The following ZNF681 variants were observed in gnomAD, a reference collection of about 807,000 sequenced individuals.
The protein encoded by ZNF681 is hypothetical protein FLJ31526.
In ZNF681, 37 loss-of-function variants were observed where a neutral mutation model predicts 56.0. The ratio of observed to expected loss-of-function variants is 0.66; its 90% CI spans 0.51 to 0.87. The LOEUF is 0.87. ZNF681 is among the 40% of genes least tolerant of loss of function. The probability of loss-of-function intolerance (pLI) is 0.00; values close to 1 mark genes in which losing one functional copy is unlikely to be tolerated. For synonymous variants in ZNF681, 225 were observed against 248.6 expected (o/e 0.91, Z 0.89); for missense variants, 741 against 744.9 (o/e 0.99, Z 0.06).
rs910653109 is a variant in ZNF681 at position 23,739,449 on chromosome 19, T to C, written c.*4163A>G. The C allele has an allele frequency of 1.3e-5, 2 of 152,220 alleles. No individual in the cohort carries two copies. The highest frequency in any genetic ancestry group is 6.5e-5 in the Admixed American group (1 of 15,274). The allele number at this position is 152,220 out of a possible 1,614,324, so 9.4% of individuals were successfully genotyped here. On this transcript the variant is annotated 3_prime_UTR_variant, in exon 4 of 4. Coordinates refer to ENST00000402377, the MANE Select transcript of ZNF681 (RefSeq NM_138286.3). ...CCTATAGTTCATAACAATGTATTTG[T>C]ATTTCTGAAAAATGCTAAAACATTG...
In ZNF681 at chr19:23,749,546, ATCC is replaced by A. The variant is rs1427331991; in HGVS notation, c.227-4226_227-4224del. On this transcript the variant is annotated intron_variant, in intron 3 of 3. Coordinates refer to ENST00000402377, the MANE Select transcript of ZNF681 (RefSeq NM_138286.3). ...AGCCTCAAATTCCCAGACTCAAGTA[ATCC>A]TCCTCCCTCAATCTTTCAAAGAGCT... Among the ~76,000 whole-genome samples the A allele has an allele frequency of 9.9e-5, 15 of 151,956 alleles. No individual in the cohort carries two copies. The East Asian group carries it at 2.7e-3, about 28-fold the overall frequency.
At chr19:23,752,417 G>C (rs1040866204) in intron 3 of ZNF681, among the ~76,000 whole-genome samples, 3 of 152,150 alleles carry the variant, frequency 2.0e-5, no homozygotes, top group Non-Finnish European at 2.9e-5. Context: ...TTCACAGCCA[G>C]TTCTGCCTAT....
At chr19:23,757,122 G>A (rs896280548) in intron 1 of ZNF681, among the ~76,000 whole-genome samples, 1 of 151,976 alleles carries the variant, frequency 6.6e-6, no homozygotes, top group African/African-American at 2.4e-5. Flanking sequence ...TCCTCACCTC[G>A]TGATCCACTT....
intron 3 of ZNF681, among the ~76,000 whole-genome samples, chr19:23,754,423 A>G (rs1969083333): frequency 6.6e-6 from 1 of 152,150 alleles, no homozygotes; most frequent in African/African-American, 2.4e-5. Flanking sequence ...CAGCACTTTC[A>G]GAGGCCAAGG....
chr19:23,758,709 C>T, intron 1 of ZNF681, 38 bp downstream of exon 1: 2 of 1,614,218 alleles, frequency 1.2e-6, no homozygotes, highest in Non-Finnish European at 1.7e-6. Flanking sequence ...GCCACAGCCC[C>T]TTCCCCTCTC....
Position 23,754,843 on chromosome 19 carries a change from C to T in ZNF681, c.206G>A (p.Arg69Lys), listed in dbSNP as rs993600149. ...EKEPWTRKRH[R>K]MVAEPPVICS... ...CCTACCTGGGGGTTCGGCCACCATCCTATGTCTCTTTCTAGTCCAAGGCTC... is the reference window on the plus strand; with the variant it reads ...CCTACCTGGGGGTTCGGCCACCATCTTATGTCTCTTTCTAGTCCAAGGCTC... The change falls in exon 3 of 4, where the codon AGG (arginine) becomes AAG (lysine). Residue 69 changes from arginine (R) to lysine (K), a missense_variant. By Grantham distance (26) the Arg-to-Lys change is conservative. Coordinates refer to ENST00000402377, the MANE Select transcript of ZNF681 (RefSeq NM_138286.3). The T allele has an allele frequency of 6.2e-7, 1 of 1,614,090 alleles. No individual in the cohort carries two copies. The highest frequency in any genetic ancestry group is 8.5e-7 in the Non-Finnish European group (1 of 1,180,004).
intron 3 of ZNF681, among the ~76,000 whole-genome samples, chr19:23,752,193 A>G (rs2144849780): frequency 6.6e-6 from 1 of 152,298 alleles, no homozygotes; most frequent in South Asian, 2.1e-4. Context: ...ATAGACCAGG[A>G]AATGGACTAC....
intron 3 of ZNF681, among the ~76,000 whole-genome samples, chr19:23,753,028 A>G (rs1324540298): frequency 2.6e-5 from 4 of 152,212 alleles, no homozygotes; most frequent in Admixed American, 2.6e-4. Flanking sequence ...AAATACACTC[A>G]GTAAATTAGC....
Position 23,740,094 on chromosome 19 carries a change from TTAAC to T in ZNF681, c.*3514_*3517del, listed in dbSNP as rs1968859434. ...TGTAAGAATTTAATAAGATTATTCT[TTAAC>T]AAACAGAGAAAAACAACGCTAAATG... is the stretch of plus-strand genomic sequence containing the variant. On this transcript the variant is annotated 3_prime_UTR_variant, in exon 4 of 4. Coordinates refer to ENST00000402377, the MANE Select transcript of ZNF681 (RefSeq NM_138286.3). The T allele has an allele frequency of 1.3e-5, 2 of 152,290 alleles. No individual in the cohort carries two copies. Among genetic ancestry groups the T allele is most frequent in the South Asian group, 4.1e-4 (2 of 4,830 alleles). The allele number at this position is 152,290 out of a possible 1,614,324, so 9.4% of individuals were successfully genotyped here. A position where few individuals can be genotyped will look rare whatever the true frequency, so the allele number is the denominator to read the frequency against.
rs1965577 is a variant in ZNF681, at chr19:23,741,681, C to T, written c.*1931G>A. On this transcript the variant is annotated 3_prime_UTR_variant, in exon 4 of 4. Coordinates refer to ENST00000402377, the MANE Select transcript of ZNF681 (RefSeq NM_138286.3). ...CTGAGACCACGCCAATGCACCCAGG[C>T]GTGCACAGCCTGGGTGACATAGTGA... 0.98 allele frequency: 148,957 copies of T among 152,228 alleles called. 72,973 individuals are homozygous for T. The highest frequency in any genetic ancestry group is 1 in the Middle Eastern group (294 of 294). 9.4% of individuals were successfully genotyped at this position (152,228 alleles called of 1,614,324 possible).
intron 3 of ZNF681, among the ~76,000 whole-genome samples, chr19:23,751,085 C>A (rs556261172): frequency 7.0e-6 from 1 of 142,198 alleles, no homozygotes; most frequent in African/African-American, 2.6e-5. Flanking sequence ...GCCAAGACTG[C>A]GCCATTGCAC....
At chr19:23,758,723 G>C (rs778109993) in intron 1 of ZNF681, 24 bp downstream of exon 1, 1 of 1,614,194 alleles carries the variant, frequency 6.2e-7, no homozygotes, top group Admixed American at 1.7e-5. Flanking sequence ...CCCTCTCTCG[G>C]GATGTCGGAC....
In ZNF681 at chr19:23,742,630, C is replaced by A. The variant is rs1968886754; in HGVS notation, c.*982G>T. The A allele has an allele frequency of 6.6e-6, 1 of 152,134 alleles. No homozygotes were observed. The highest frequency in any genetic ancestry group is 2.4e-5 in the African/African-American group (1 of 41,420). 9.4% of individuals were successfully genotyped at this position (152,134 alleles called of 1,614,324 possible). On this transcript the variant is annotated 3_prime_UTR_variant, in exon 4 of 4. Coordinates refer to ENST00000402377, the MANE Select transcript of ZNF681 (RefSeq NM_138286.3). ...TAACCAGAAAGAGCCTCTCCACTTA[C>A]ATTTTCATCTTGCATCTTACATTTT...
rs1412147722 is a variant in ZNF681 at position 23,744,643 on chromosome 19, T to TAAGA, written c.906_907insTCTT (p.Ile303SerfsTer10). 1.3e-6 allele frequency: 2 copies of TAAGA among 1,596,994 alleles called. No homozygotes were observed. Among genetic ancestry groups the TAAGA allele is most frequent in the South Asian group, 2.2e-5 (2 of 90,186 alleles). ...TCATTGAGTTTCTCTCTGGTATGAA[T>TAAGA]TATCTTATGTGTAGTAAGGGTTAAG... On this transcript the variant is annotated frameshift_variant, in exon 4 of 4. Coordinates refer to ENST00000402377, the MANE Select transcript of ZNF681 (RefSeq NM_138286.3). LOFTEE classifies it high-confidence loss of function.
chr19:23,752,934 A>G (rs1166447819), intron 3 of ZNF681, among the ~76,000 whole-genome samples: 1 of 152,044 alleles, frequency 6.6e-6, no homozygotes, highest in African/African-American at 2.4e-5. Flanking sequence ...ATTGAAGACA[A>G]GTAAGTAAAA....
intron 3 of ZNF681, 94 bp downstream of exon 3, chr19:23,754,729 G>T: frequency 9.7e-7 from 1 of 1,031,176 alleles, no homozygotes; most frequent in Non-Finnish European, 1.5e-6. Flanking sequence ...TTGGAATACA[G>T]CTTCCCAAAT....
rs1318713773 is a variant in ZNF681, at chr19:23,741,424, C to G, written c.*2188G>C. 6.6e-6 allele frequency: 1 copy of G among 152,100 alleles called. No homozygotes were observed. The highest frequency in any genetic ancestry group is 1.5e-5 in the Non-Finnish European group (1 of 68,018). The allele number at this position is 152,100 out of a possible 1,614,324, so 9.4% of individuals were successfully genotyped here. A position where few individuals can be genotyped will look rare whatever the true frequency, so the allele number is the denominator to read the frequency against. On this transcript the variant is annotated 3_prime_UTR_variant, in exon 4 of 4. Coordinates refer to ENST00000402377, the MANE Select transcript of ZNF681 (RefSeq NM_138286.3). ...CAATTTAATGTACATTTGAAAACAA[C>G]TAAAAGTGGCTGGGTGTGGTGGCTC...
chr19:23,754,866 C>G lies in ZNF681; in HGVS notation c.183G>C (p.Glu61Asp). 6.2e-7 allele frequency: 1 copy of G among 1,614,082 alleles called. No individual in the cohort carries two copies. The highest frequency in any genetic ancestry group is 8.5e-7 in the Non-Finnish European group (1 of 1,180,000). ...DLITCLEQEK[E>D]PWTRKRHRMV... ...TCCTATGTCTCTTTCTAGTCCAAGG[C>G]TCTTTTTCTTGTTCCAGACAGGTGA... Residue 61 changes from glutamate to aspartate, a missense_variant, in exon 3 of 4, where the codon GAG becomes GAC. Transcript: ENST00000402377.
chr19:23,751,875 G>C (rs1969037463), intron 3 of ZNF681, among the ~76,000 whole-genome samples: 1 of 152,004 alleles, frequency 6.6e-6, no homozygotes, highest in Non-Finnish European at 1.5e-5. Flanking sequence ...TTTTAGTAGA[G>C]ACGGGGTTCC....
Sources: allele counts gnomAD v4.1 joint callset (sites outside exome capture counted in the v4.1 genomes callset), GRCh38; gene constraint gnomAD v4.1.1; transcripts MANE v1.5; gene names NCBI Gene and HGNC (gene_info 2026-07-23, HGNC 2026-07-21).